PDIA6: variants seen among roughly 807,000 people sequenced by gnomAD.
PDIA6 encodes protein disulfide isomerase family A member 6.
In PDIA6, 29 loss-of-function variants were observed where a neutral mutation model predicts 58.4. That is an observed-to-expected ratio of 0.50 (90% confidence interval 0.37 to 0.68). PDIA6 has a LOEUF of 0.68. PDIA6 is among the 30% of genes least tolerant of loss of function. PDIA6 has a pLI of 0.00. For synonymous variants in PDIA6, 192 were observed against 202.6 expected (o/e 0.95, Z 0.44); for missense variants, 480 against 551.0 (o/e 0.87, Z 1.29).
intron 1 of PDIA6, among the ~76,000 whole-genome samples, chr2:10,806,809 C>T (rs1001528972): frequency 6.6e-6 from 1 of 152,030 alleles, no homozygotes; most frequent in African/African-American, 2.4e-5. Flanking sequence ...TGTTTAGATA[C>T]ACAAATGCTT....
upstream of PDIA6, chr2:10,812,962 G>A: frequency 1.9e-6 from 1 of 523,590 alleles, no homozygotes; most frequent in Non-Finnish European, 2.7e-6. Context: ...GCGGTGGCGA[G>A]CAGCGGAAGG....
chr2:10,814,477 G>T (rs546837338), upstream of PDIA6, among the ~76,000 whole-genome samples: 6 of 152,368 alleles, frequency 3.9e-5, no homozygotes, highest in East Asian at 1.2e-3. Context: ...TGGACTGCGA[G>T]CCTGTTCCTC....
chr2:10,828,883 C>A (rs1667630053), intron 1 of PDIA6, among the ~76,000 whole-genome samples: 1 of 152,216 alleles, frequency 6.6e-6, no homozygotes, highest in Non-Finnish European at 1.5e-5. Context: ...GATGCATGAC[C>A]AGCAAAGCAG....
chr2:10,785,807 C>T (rs1401634881), intron 11 of PDIA6, among the ~76,000 whole-genome samples: 4 of 152,310 alleles, frequency 2.6e-5, no homozygotes, highest in East Asian at 3.9e-4. Flanking sequence ...CTCACTGCAA[C>T]GTCCACCTCC....
chr2:10,791,878 G>A lies in PDIA6; in HGVS notation c.501C>T (p.Asp167=), dbSNP rs377622577. 203 of 1,613,340 alleles carry A rather than the reference G, an allele frequency of 1.3e-4. No homozygotes were observed. The highest frequency in any genetic ancestry group is 1.7e-4 in the African/African-American group (13 of 74,908). ...SSKKDVIELT[D]DSFDKNVLDS... ...CCAGAACATTCTTATCAAAGCTGTC[G>A]TCTGTCAGCTCAATCACATCCTTCT... Residue 167 remains aspartate (D), a synonymous_variant, in exon 6 of 13, where the codon GAC becomes GAT. Transcript: ENST00000272227.
intron 1 of PDIA6, among the ~76,000 whole-genome samples, chr2:10,809,641 G>T (rs1351298128): frequency 6.4e-5 from 2 of 31,042 alleles, no homozygotes; most frequent in South Asian, 1.2e-3. Flanking sequence ...GCAAGACCCG[G>T]TCTCAAAAAA....
chr2:10,831,721 TTG>T (rs1241985379), intron 1 of PDIA6, among the ~76,000 whole-genome samples: 2 of 152,114 alleles, frequency 1.3e-5, no homozygotes, highest in African/African-American at 4.8e-5. Flanking sequence ...CATCGCGTGA[TTG>T]TGTGTCTGAC....
chr2:10,806,187 G>GT (rs1338544235), intron 1 of PDIA6, among the ~76,000 whole-genome samples: 1 of 151,482 alleles, frequency 6.6e-6, no homozygotes, highest in Non-Finnish European at 1.5e-5. Context: ...GGGCAACATA[G>GT]TGAGACCCCC....
intron 2 of PDIA6, among the ~76,000 whole-genome samples, chr2:10,817,963 C>T (rs762599063): frequency 6.6e-6 from 1 of 152,140 alleles, no homozygotes; most frequent in Non-Finnish European, 1.5e-5. Context: ...ACAGAATGAA[C>T]AGGGTAGATC....
intron 2 of PDIA6, chr2:10,819,187 G>T (rs139792560): frequency 1.3e-6 from 1 of 740,862 alleles, no homozygotes; most frequent in Middle Eastern, 2.6e-4. Context: ...TTATCCATCC[G>T]TCTGTTAGTG....
chr2:10,817,576 C>A (rs961851736), upstream of PDIA6, among the ~76,000 whole-genome samples: 1 of 152,238 alleles, frequency 6.6e-6, no homozygotes, highest in Non-Finnish European at 1.5e-5. Context: ...CCACACAGCT[C>A]CCCCGGTGGG....
chr2:10,829,540 G>A (rs1428652632), intron 1 of PDIA6, among the ~76,000 whole-genome samples: 1 of 152,214 alleles, frequency 6.6e-6, no homozygotes, highest in Non-Finnish European at 1.5e-5. Flanking sequence ...AAGGCACGGT[G>A]TTGGGGGGTG....
intron 2 of PDIA6, among the ~76,000 whole-genome samples, chr2:10,799,826 G>A (rs1169537238): frequency 6.6e-6 from 1 of 151,120 alleles, no homozygotes; most frequent in Non-Finnish European, 1.5e-5. Context: ...ATGGCATACA[G>A]TCTACCCAGG....
chr2:10,810,249 T>C (rs1275219667), intron 1 of PDIA6: 2 of 1,455,046 alleles, frequency 1.4e-6, no homozygotes, highest in African/African-American at 2.8e-5. Context: ...TTACCTAAGA[T>C]CATATAATTA....
At chr2:10,790,389 A>C (rs1665979414) in intron 7 of PDIA6, among the ~76,000 whole-genome samples, 1 of 152,232 alleles carries the variant, frequency 6.6e-6, no homozygotes, top group African/African-American at 2.4e-5. Context: ...TTAGCCAATC[A>C]TATTCAAGCC....
intron 1 of PDIA6, among the ~76,000 whole-genome samples, chr2:10,805,092 CA>C (rs1413783236): frequency 6.6e-6 from 1 of 151,290 alleles, no homozygotes; most frequent in East Asian, 1.9e-4. Flanking sequence ...TTCTGCACAG[CA>C]AAAGAAACTA....
chr2:10,828,546 GC>G (rs1306198350), intron 1 of PDIA6, among the ~76,000 whole-genome samples: 1 of 152,162 alleles, frequency 6.6e-6, no homozygotes, highest in Non-Finnish European at 1.5e-5. Context: ...AGGGCCCAGG[GC>G]ACTCTTCCGC....
chr2:10,797,541 G>GAACCAGTATTTTCAACTCTGAT (rs1369477449), intron 3 of PDIA6, among the ~76,000 whole-genome samples, 159 bp downstream of exon 3: 2 of 152,170 alleles, frequency 1.3e-5, no homozygotes, highest in Admixed American at 1.3e-4. Context: ...TTTGACAACA[G>GAACCAGTATTTTCAACTCTGAT]AACCAGTATT....
At chr2:10,834,704 T>TCCCC (rs1558468664), upstream of PDIA6, among the ~76,000 whole-genome samples, 1 of 44,072 alleles carries the variant, frequency 2.3e-5, no homozygotes, top group African/African-American at 7.8e-5. Context: ...TTTCTCTCCC[T>TCCCC]CCCTCCCTCC....
Sources: gnomAD v4.1 joint callset for allele counts (sites outside exome capture counted in the v4.1 genomes callset) on GRCh38, gnomAD v4.1.1 for gene constraint, MANE v1.5 for transcripts, NCBI Gene and HGNC (gene_info 2026-07-23, HGNC 2026-07-21) for gene names.